The following NAV2 variants were observed in gnomAD, a reference collection of about 807,000 sequenced individuals.
NAV2 encodes neuron navigator 2.
In NAV2, 54 loss-of-function variants were observed where a neutral mutation model predicts 223.2. The ratio of observed to expected loss-of-function variants is 0.24; its 90% CI spans 0.19 to 0.30. The LOEUF is 0.30. Ranked by LOEUF, NAV2 falls within the 10% of genes least tolerant of loss-of-function variation. The probability of loss-of-function intolerance (pLI) is 1.00; values close to 1 mark genes in which losing one functional copy is unlikely to be tolerated. For synonymous variants in NAV2, 1,279 were observed against 1,239.3 expected, an observed-to-expected ratio of 1.03 and a Z score of -0.67; for missense variants, 2,806 against 3,147.5, an observed-to-expected ratio of 0.89 and a Z score of 2.60.
chr11:19,457,910 A>G (rs75830064), intron 1 of NAV2, among the ~76,000 whole-genome samples: 5,030 of 152,232 alleles, frequency 0.033, 129 homozygotes, highest in Non-Finnish European at 0.05. Flanking sequence ...GAGGCACAGA[A>G]GTGGGTTGCT....
rs1590030522 is a variant in NAV2 at position 19,350,756 on chromosome 11, CA to C, written c.-194del. On this transcript the variant is annotated 5_prime_UTR_variant, in exon 1 of 38. Coordinates refer to the NAV2 transcript ENST00000360655. The stretch of plus-strand genomic sequence containing the variant: ...ATGCCGGCAGCAGTCACCCTCATTG[CA>C]AAGGCAGTGGTGCCGAGTGAGGTTC... The C allele has an allele frequency of 1.0e-5, 6 of 594,576 alleles. No individual in the cohort carries two copies. In the East Asian group the frequency reaches 1.7e-4, roughly 17 times the overall value. The allele number at this position is 594,576 out of a possible 1,614,324, so 36.8% of individuals were successfully genotyped here.
At chr11:19,981,044 C>G (rs1028925757) in intron 10 of NAV2, among the ~76,000 whole-genome samples, 3 of 152,188 alleles carry the variant, frequency 2.0e-5, no homozygotes, top group Non-Finnish European at 4.4e-5. Context: ...CCTGCCCTCC[C>G]TCTACATGCG....
chr11:19,782,686 G>GAA (rs776562737), intron 1 of NAV2, among the ~76,000 whole-genome samples: 280 of 152,258 alleles, frequency 1.8e-3, no homozygotes, highest in South Asian at 6.8e-3. Context: ...TGACCCAGGT[G>GAA]CTGTTCCCAA....
intron 19 of NAV2, among the ~76,000 whole-genome samples, chr11:20,061,604 G>T (rs1257134968): frequency 6.6e-6 from 1 of 151,956 alleles, no homozygotes; most frequent in Non-Finnish European, 1.5e-5. Flanking sequence ...CACTGGCTGG[G>T]GGCAGGAAGG....
At chr11:20,116,292 T>C (rs2249859) in intron 37 of NAV2, among the ~76,000 whole-genome samples, 29,319 of 152,106 alleles carry the variant, frequency 0.19, 4,171 homozygotes, top group East Asian at 0.38. Flanking sequence ...TAATAGGCGA[T>C]TCAGGTTGTC....
intron 7 of NAV2, 138 bp downstream of exon 7, chr11:19,934,415 A>C: frequency 9.8e-7 from 1 of 1,022,014 alleles, no homozygotes; most frequent in South Asian, 2.5e-5. Context: ...CACGTGATGA[A>C]CTCCTAAGAG....
intron 1 of NAV2, among the ~76,000 whole-genome samples, chr11:19,475,860 G>A (rs1272644433): frequency 2.0e-5 from 3 of 152,254 alleles, no homozygotes; most frequent in Non-Finnish European, 4.4e-5. Context: ...TGTCGTGCAT[G>A]TTCATATGGT....
At chr11:20,062,242 C>T in intron 19 of NAV2, 65 bp from the exon 20 acceptor site, 8 of 1,190,506 alleles carry the variant, frequency 6.7e-6, no homozygotes, top group Non-Finnish European at 8.6e-6. Flanking sequence ...TGTTCTCCTC[C>T]CCTGTCCCCT....
intron 1 of NAV2, among the ~76,000 whole-genome samples, chr11:19,818,658 A>T (rs906598768): frequency 6.6e-6 from 1 of 152,214 alleles, no homozygotes; most frequent in South Asian, 2.1e-4. Context: ...GAGCCAGTCC[A>T]TGCCTGCCCT....
Position 20,080,109 on chromosome 11 carries a change from A to G in NAV2, c.5225A>G (p.His1742Arg), listed in dbSNP as rs781523173. 1 of 1,614,092 alleles carries G rather than the reference A, an allele frequency of 6.2e-7. No individual in the cohort carries two copies. Among genetic ancestry groups the G allele is most frequent in the East Asian group, 2.2e-5 (1 of 44,868 alleles). The change falls in exon 25 of 38, where the codon CAC becomes CGC. Residue 1742 changes from histidine to arginine, a missense_variant. By Grantham distance (29) the His-to-Arg change is conservative. This residue lies in a region of NAV2 where 824 missense variants were observed against 1,069.4 expected (regional missense o/e 0.77). Coordinates refer to ENST00000349880, the MANE Select transcript of NAV2 (RefSeq NM_145117.5). ...QSADLRIRRQ[H>R]SSDSVSSINS... The stretch of plus-strand genomic sequence containing the variant: ...GCAGACCTCCGCATCCGCAGGCAGC[A>G]CTCCTCAGACAGCGTCTCCAGCATC...
At chr11:19,578,728 T>C (rs2045634407) in intron 1 of NAV2, among the ~76,000 whole-genome samples, 1 of 152,236 alleles carries the variant, frequency 6.6e-6, no homozygotes, top group Non-Finnish European at 1.5e-5. Context: ...GTGCCAAATC[T>C]GGCCATAGCA....
At chr11:20,065,883 T>C (rs544515148) in intron 20 of NAV2, among the ~76,000 whole-genome samples, 2 of 152,348 alleles carry the variant, frequency 1.3e-5, no homozygotes, top group South Asian at 4.1e-4. Flanking sequence ...TTGGGGCTTA[T>C]TTCTGGAAAG....
chr11:19,749,561 A>G (rs1173476839), intron 1 of NAV2, among the ~76,000 whole-genome samples: 1 of 152,304 alleles, frequency 6.6e-6, no homozygotes, highest in Admixed American at 6.5e-5. Flanking sequence ...GTCTGAATTA[A>G]GCTCCTTATG....
chr11:19,859,133 TTC>T lies in NAV2; in HGVS notation c.439-9788_439-9787del, dbSNP rs1324162346. 5.2e-5 allele frequency among the ~76,000 whole-genome samples: 7 copies of T among 134,204 alleles called. 1 individual carries two copies. Among genetic ancestry groups the T allele is most frequent in the Non-Finnish European group, 7.9e-5 (5 of 63,244 alleles). 88.0% of individuals were successfully genotyped at this position (134,204 alleles called of 152,430 possible). On this transcript the variant is annotated intron_variant, in intron 3 of 37. Transcript: ENST00000349880. ...AGATATGGAGGAGTCCAAAATCATA[TTC>T]TCTTTTTTTTTTTTTTTTTTTTTTA...
intron 1 of NAV2, among the ~76,000 whole-genome samples, chr11:19,630,224 C>G (rs745709427): frequency 1.3e-5 from 2 of 152,202 alleles, no homozygotes; most frequent in Non-Finnish European, 2.9e-5. Flanking sequence ...TCTGTGTCAT[C>G]AATATCTCCA....
intron 1 of NAV2, among the ~76,000 whole-genome samples, chr11:19,588,783 A>G (rs1009906875): frequency 1.3e-5 from 2 of 152,232 alleles, no homozygotes; most frequent in Admixed American, 1.3e-4. Context: ...AGAAAAAAGA[A>G]AGGAGTCAGA....
chr11:19,939,388 G>A (rs535991629), intron 7 of NAV2, among the ~76,000 whole-genome samples: 4 of 152,304 alleles, frequency 2.6e-5, no homozygotes, highest in South Asian at 4.1e-4. Flanking sequence ...GCATCCTGAC[G>A]GAGGTTCAGA....
At chr11:19,490,837 C>T (rs998323880) in intron 1 of NAV2, among the ~76,000 whole-genome samples, 1 of 152,152 alleles carries the variant, frequency 6.6e-6, no homozygotes, top group African/African-American at 2.4e-5. Flanking sequence ...TAATCCATGG[C>T]AGTTATAGCC....
intron 1 of NAV2, among the ~76,000 whole-genome samples, chr11:19,434,993 T>A (rs1031721411): frequency 2.6e-5 from 4 of 152,118 alleles, no homozygotes; most frequent in Admixed American, 2.6e-4. Context: ...TTATATATAT[T>A]TACGGGGTAT....
Sources: allele counts gnomAD v4.1 joint callset (sites outside exome capture counted in the v4.1 genomes callset), GRCh38; gene constraint gnomAD v4.1.1; regional missense constraint gnomAD v4.1.1; transcripts MANE v1.5; gene names NCBI Gene and HGNC (gene_info 2026-07-23, HGNC 2026-07-21).